The following GFRA1 variants were observed in gnomAD, a reference collection of about 807,000 sequenced individuals.
GFRA1 encodes GDNF family receptor alpha-1.
A neutral mutation model predicts 51.6 loss-of-function variants in GFRA1; 16 were observed. The observed-to-expected ratio is 0.31, with a 90% confidence interval of 0.21 to 0.47. The LOEUF is 0.47. Ranked by LOEUF, GFRA1 falls within the 20% of genes least tolerant of loss-of-function variation. The pLI is 1.00. For missense variants in GFRA1, 530 were observed against 594.3 expected (o/e 0.89, Z 1.13); for synonymous variants, 270 against 241.3 (o/e 1.12, Z -1.10).
intron 4 of GFRA1, chr10:116,226,820 T>A: frequency 2.6e-6 from 1 of 380,222 alleles, no homozygotes; most frequent in South Asian, 2.1e-5. Flanking sequence ...TGGGAGACAG[T>A]GACAGATCAT....
chr10:116,149,734 T>G (rs1323438529), intron 5 of GFRA1, among the ~76,000 whole-genome samples: 1 of 152,206 alleles, frequency 6.6e-6, no homozygotes, highest in Non-Finnish European at 1.5e-5. Flanking sequence ...TTCCCTCCTA[T>G]GTACATTTTA....
intron 4 of GFRA1, among the ~76,000 whole-genome samples, chr10:116,221,297 ACT>A (rs918280056): frequency 3.3e-5 from 5 of 152,108 alleles, no homozygotes; most frequent in Non-Finnish European, 1.5e-5. Context: ...CAGAATCCAA[ACT>A]CTTAACCACT....
intron 9 of GFRA1, among the ~76,000 whole-genome samples, chr10:116,068,054 G>A (rs1362682172): frequency 6.6e-6 from 1 of 152,170 alleles, no homozygotes; most frequent in Non-Finnish European, 1.5e-5. Flanking sequence ...TTGCCTGGGG[G>A]ACCACTCCGA....
At chr10:116,185,511 G>T (rs1046299765) in intron 5 of GFRA1, among the ~76,000 whole-genome samples, 2 of 152,166 alleles carry the variant, frequency 1.3e-5, no homozygotes, top group Admixed American at 6.5e-5. Context: ...AAGCTGCCCA[G>T]CCTGTTTACA....
chr10:116,112,210 A>G (rs567396479), intron 6 of GFRA1, among the ~76,000 whole-genome samples: 3 of 152,330 alleles, frequency 2.0e-5, no homozygotes, highest in South Asian at 4.1e-4. Context: ...TTCCTGGGAC[A>G]GTGTCAAGCT....
intron 4 of GFRA1, among the ~76,000 whole-genome samples, chr10:116,256,575 C>T (rs759379731): frequency 7.2e-5 from 11 of 152,310 alleles, no homozygotes; most frequent in Admixed American, 4.6e-4. Flanking sequence ...TGCATAGGCA[C>T]TCCCAGCCCT....
chr10:116,158,045 A>G (rs1490121217), intron 5 of GFRA1, among the ~76,000 whole-genome samples: 10 of 152,034 alleles, frequency 6.6e-5, no homozygotes. Context: ...GGTTAATCTC[A>G]CTATCTAGTC....
chr10:116,235,583 A>C (rs1966858211), intron 4 of GFRA1, among the ~76,000 whole-genome samples: 1 of 151,952 alleles, frequency 6.6e-6, no homozygotes, highest in Non-Finnish European at 1.5e-5. Context: ...GTCCACCATA[A>C]TTCAGCTCCA....
intron 4 of GFRA1, among the ~76,000 whole-genome samples, chr10:116,225,755 A>G (rs566577601): frequency 1.3e-5 from 2 of 151,542 alleles, no homozygotes; most frequent in Non-Finnish European, 2.9e-5. Context: ...ACACCCAGCT[A>G]ATTTTATATT....
At chr10:116,115,647 G>A (rs1402692362) in intron 6 of GFRA1, among the ~76,000 whole-genome samples, 1 of 152,092 alleles carries the variant, frequency 6.6e-6, no homozygotes, top group Non-Finnish European at 1.5e-5. Context: ...GGCTATTGAC[G>A]TCTTCCTTCT....
intron 5 of GFRA1, among the ~76,000 whole-genome samples, chr10:116,185,975 T>C (rs771307045): frequency 2.0e-5 from 3 of 152,186 alleles, no homozygotes; most frequent in African/African-American, 4.8e-5. Context: ...AGCTGCCCTT[T>C]TTATCTTTTA....
intron 8 of GFRA1, among the ~76,000 whole-genome samples, chr10:116,092,414 G>A (rs936349659): frequency 8.6e-5 from 13 of 151,580 alleles, no homozygotes; most frequent in Middle Eastern, 3.4e-3. Context: ...GTGTGTGTGC[G>A]TGTGTGTGCG....
chr10:116,273,210 T>C (rs966799866), upstream of GFRA1: 1 of 152,096 alleles, frequency 6.6e-6, no homozygotes, highest in African/African-American at 2.4e-5. Context: ...CCAGTTTGTT[T>C]ATTTACTTAT....
intron 9 of GFRA1, among the ~76,000 whole-genome samples, chr10:116,084,949 T>C (rs1004922151): frequency 6.6e-6 from 1 of 152,158 alleles, no homozygotes; most frequent in African/African-American, 2.4e-5. Context: ...GTCGAAGGAA[T>C]AGGCCAACAA....
chr10:116,271,131 G>A lies in GFRA1; in HGVS notation c.41-16C>T, dbSNP rs752180215. 7 of 1,587,980 alleles carry A rather than the reference G, an allele frequency of 4.4e-6. No individual in the cohort carries two copies. Among genetic ancestry groups the A allele is most frequent in the Middle Eastern group, 1.8e-4 (1 of 5,666 alleles). Reference sequence around the variant, plus strand: ...AGGAGCAAGTCTGCGGGGCAGAGGGGAGGGAGCCTGAGTGCGGCGGGCGGG... The same window carrying A: ...AGGAGCAAGTCTGCGGGGCAGAGGGAAGGGAGCCTGAGTGCGGCGGGCGGG... On this transcript the variant is annotated splice_polypyrimidine_tract_variant and intron_variant, in intron 2 of 10. Transcript: ENST00000355422.
intron 4 of GFRA1, among the ~76,000 whole-genome samples, chr10:116,241,264 G>C (rs958409763): frequency 2.0e-5 from 3 of 152,314 alleles, no homozygotes; most frequent in Admixed American, 2.0e-4. Context: ...CTGTCACCAA[G>C]AGGTTCATGG....
At chr10:116,162,806 GA>G (rs994871940) in intron 5 of GFRA1, among the ~76,000 whole-genome samples, 15 of 151,134 alleles carry the variant, frequency 9.9e-5, no homozygotes, top group Middle Eastern at 3.4e-3. Flanking sequence ...ATAAAAGAAA[GA>G]AAAAAAAAAG....
chr10:116,064,622 C>A (rs1419836773), intron 10 of GFRA1, 78 bp from the exon 11 acceptor site: 3 of 1,338,336 alleles, frequency 2.2e-6, no homozygotes, highest in Middle Eastern at 2.2e-4. Flanking sequence ...TCTCTCTCCC[C>A]CCGACTCCCC....
At chr10:116,126,927 A>T (rs1346312637) in intron 5 of GFRA1, among the ~76,000 whole-genome samples, 1 of 152,166 alleles carries the variant, frequency 6.6e-6, no homozygotes, top group African/African-American at 2.4e-5. Flanking sequence ...AAAGAAGGAA[A>T]TCCTACAATG....
Sources: allele counts gnomAD v4.1 joint callset (sites outside exome capture counted in the v4.1 genomes callset), GRCh38; gene constraint gnomAD v4.1.1; transcripts MANE v1.5; gene names NCBI Gene and HGNC (gene_info 2026-07-23, HGNC 2026-07-21).